The following GNAS-AS1 variants were observed in gnomAD, a reference collection of about 807,000 sequenced individuals.
The protein encoded by GNAS-AS1 is GNAS antisense RNA 1.
chr20:58,841,817 C>A lies in GNAS-AS1; in HGVS notation n.819+120G>T. The A allele has an allele frequency of 8.1e-7, 1 of 1,230,830 alleles. No homozygotes were observed. The highest frequency in any genetic ancestry group is 4.2e-5 in the Admixed American group (1 of 23,730). The allele number at this position is 1,230,830 out of a possible 1,614,324, so 76.2% of individuals were successfully genotyped here. A position where few individuals can be genotyped will look rare whatever the true frequency, so the allele number is the denominator to read the frequency against. On this transcript the variant is annotated intron_variant and non_coding_transcript_variant, in intron 4 of 4. Transcript: ENST00000424094. The surrounding 1 kb of genome is among the most constrained non-coding windows in gnomAD (Gnocchi z 5.0). ...AGGCTGCATGCGGCTTAGCAGGAGA[C>A]GTCCTGGGCTGTTTGCGCAGGACCT...
chr20:58,848,870 T>G lies in GNAS-AS1; in HGVS notation n.413+9A>C, dbSNP rs1470400706. The G allele has an allele frequency of 1.8e-5, 7 of 398,370 alleles. No individual in the cohort carries two copies. In the Admixed American group the frequency reaches 3.1e-4, roughly 18 times the overall value. The allele number at this position is 398,370 out of a possible 1,614,324, so 24.7% of individuals were successfully genotyped here. On this transcript the variant is annotated intron_variant and non_coding_transcript_variant, in intron 2 of 4. Transcript: ENST00000424094. ...CATTACTGATGTTTCAGCTCTTAGC[T>G]CCACTCACCTAAAGGACTTAGGTTT...
In GNAS-AS1 at chr20:58,840,783, G is replaced by T; in HGVS notation, n.819+1154C>A. ...CGCTGCAAGCCAAAGAAGCCCACCCGCCGTGACGCGTCCCCGGAGTCCCCT... is the reference window on the plus strand; with the variant it reads ...CGCTGCAAGCCAAAGAAGCCCACCCTCCGTGACGCGTCCCCGGAGTCCCCT... On this transcript the variant is annotated intron_variant and non_coding_transcript_variant, in intron 4 of 4. Transcript: ENST00000424094. The surrounding 1 kb of genome is among the most constrained non-coding windows in gnomAD (Gnocchi z 6.0). 6.2e-7 allele frequency: 1 copy of T among 1,610,854 alleles called. No homozygotes were observed.
intron 4 of GNAS-AS1, chr20:58,839,886 C>T: frequency 1.7e-6 from 1 of 600,510 alleles, no homozygotes; most frequent in Admixed American, 3.0e-5. Context: ...CTTCTTCTTG[C>T]TCAGAGAGGC....
intron 2 of GNAS-AS1, among the ~76,000 whole-genome samples, chr20:58,842,719 T>G (rs1291490762): frequency 1.3e-5 from 2 of 152,176 alleles, no homozygotes; most frequent in African/African-American, 4.8e-5. Context: ...TCTGTGACAT[T>G]AAGTGTTCAG....
At chr20:58,831,773 A>C (rs1221127638) in intron 4 of GNAS-AS1, among the ~76,000 whole-genome samples, 1 of 152,224 alleles carries the variant, frequency 6.6e-6, no homozygotes, top group Admixed American at 6.5e-5. Flanking sequence ...TAAAATCTTA[A>C]AGCAAAACAA....
chr20:58,820,375 C>G (rs1043396470), intron 4 of GNAS-AS1, among the ~76,000 whole-genome samples: 5 of 152,210 alleles, frequency 3.3e-5, no homozygotes, highest in African/African-American at 1.2e-4. Flanking sequence ...CCACAGTAAC[C>G]GGAGCCATAC....
chr20:58,850,568 C>T (rs1330443176), exon 1 of GNAS-AS1: 2 of 398,812 alleles, frequency 5.0e-6, no homozygotes, highest in Non-Finnish European at 8.8e-6. Flanking sequence ...GGGGCCTCAA[C>T]TCCTTATCCA....
intron 4 of GNAS-AS1, chr20:58,836,256 T>C (rs773581897): frequency 6.6e-6 from 1 of 152,220 alleles, no homozygotes; most frequent in Non-Finnish European, 1.5e-5. Flanking sequence ...GACTTCACAT[T>C]GCTTCTGACA....
At chr20:58,826,227 G>A (rs2085519204) in intron 4 of GNAS-AS1, 2 of 396,494 alleles carry the variant, frequency 5.0e-6, no homozygotes, top group South Asian at 1.3e-4. Context: ...GTAGAGTTAT[G>A]TGACTGAACA....
rs1600641210 is a variant in GNAS-AS1, at chr20:58,819,290, A to G, written n.820-35T>C. 4 of 398,578 alleles carry G rather than the reference A, an allele frequency of 1.0e-5. No homozygotes were observed. The East Asian group carries it at 1.4e-4, about 14-fold the overall frequency. 24.7% of individuals were successfully genotyped at this position (398,578 alleles called of 1,614,324 possible). The stretch of plus-strand genomic sequence containing the variant: ...AGACAGGTTTGGAATAAAAACAAAG[A>G]GAAAAACAGGGCAAAGGATTAACAA... On this transcript the variant is annotated intron_variant and non_coding_transcript_variant, in intron 4 of 4. Coordinates refer to ENST00000424094, the Ensembl canonical transcript of GNAS-AS1.
chr20:58,840,000 C>T, intron 4 of GNAS-AS1: 2 of 1,294,104 alleles, frequency 1.5e-6, no homozygotes, highest in Non-Finnish European at 2.2e-6. Context: ...GGGCCAGCTT[C>T]TCACCTCATA....
chr20:58,844,461 A>G (rs1003935348), intron 2 of GNAS-AS1, among the ~76,000 whole-genome samples: 3 of 152,144 alleles, frequency 2.0e-5, no homozygotes, highest in African/African-American at 7.2e-5. Flanking sequence ...TGATGTCCCA[A>G]ACTGGAGCAG....
chr20:58,844,779 C>T (rs1273699205), intron 2 of GNAS-AS1, among the ~76,000 whole-genome samples: 2 of 151,420 alleles, frequency 1.3e-5, no homozygotes, highest in Non-Finnish European at 2.9e-5. Context: ...GCCCGGCCTA[C>T]AGTGTGAGAC....
chr20:58,828,617 C>G (rs1329084538), intron 4 of GNAS-AS1, among the ~76,000 whole-genome samples: 1 of 152,214 alleles, frequency 6.6e-6, no homozygotes. Flanking sequence ...TTGATAATGA[C>G]TTTGGTTGGA....
rs192936774 is a variant in GNAS-AS1 at position 58,823,059 on chromosome 20, G to A, written n.820-3804C>T. Among the ~76,000 whole-genome samples the A allele has an allele frequency of 3.9e-3, 585 of 151,906 alleles. 3 individuals are homozygous for A. The highest frequency in any genetic ancestry group is 3.9e-3 in the Non-Finnish European group (266 of 67,950). On this transcript the variant is annotated intron_variant and non_coding_transcript_variant, in intron 4 of 4. Coordinates refer to ENST00000424094, the Ensembl canonical transcript of GNAS-AS1. ...CTCCCTCTTCACGGGCACTTCCCAG[G>A]CTGGCTTCTTCCCAAGCCTTAATCC...
chr20:58,845,905 C>G (rs978876368), intron 2 of GNAS-AS1, among the ~76,000 whole-genome samples: 4 of 152,188 alleles, frequency 2.6e-5, no homozygotes, highest in Non-Finnish European at 5.9e-5. Flanking sequence ...AATGGGGAGG[C>G]TGCCTTCCCA....
chr20:58,821,769 C>T (rs2085488864), intron 4 of GNAS-AS1, among the ~76,000 whole-genome samples: 1 of 152,188 alleles, frequency 6.6e-6, no homozygotes, highest in African/African-American at 2.4e-5. Flanking sequence ...GGATTCTTCT[C>T]TGAGGCCTGG....
In GNAS-AS1 at chr20:58,845,172, G is replaced by A. The variant is rs554117064; in HGVS notation, n.414-2627C>T. 1.7e-3 allele frequency among the ~76,000 whole-genome samples: 262 copies of A among 152,250 alleles called. 2 individuals are homozygous for A. Among genetic ancestry groups the A allele is most frequent in the Non-Finnish European group, 2.5e-3 (168 of 68,010 alleles). The stretch of plus-strand genomic sequence containing the variant: ...GGAGAGGCTAACCACTGTGGGGGAC[G>A]GCAGACTGATGGGAACATTGGTTGA... On this transcript the variant is annotated intron_variant and non_coding_transcript_variant, in intron 2 of 4. Coordinates refer to ENST00000424094, the Ensembl canonical transcript of GNAS-AS1.
intron 2 of GNAS-AS1, among the ~76,000 whole-genome samples, chr20:58,846,721 C>G (rs1292406477): frequency 6.6e-6 from 1 of 152,162 alleles, no homozygotes; most frequent in Admixed American, 6.5e-5. Flanking sequence ...AGTGTCCTGG[C>G]TTATGTCGCT....
Sources: allele counts gnomAD v4.1 joint callset (sites outside exome capture counted in the v4.1 genomes callset), GRCh38; gene constraint gnomAD v4.1.1; non-coding constraint Gnocchi (gnomAD v3.1); transcripts MANE v1.5; gene names NCBI Gene and HGNC (gene_info 2026-07-23, HGNC 2026-07-21).